Variants in RAB38 observed in about 807,000 individuals in gnomAD.
The protein encoded by RAB38 is ras-related protein Rab-38.
Under a neutral mutation model 18.4 loss-of-function variants are expected in RAB38, and 15 were observed. The observed-to-expected ratio is 0.82, with a 90% CI of 0.55 to 1.26. RAB38 has a LOEUF of 1.26. Ranked by LOEUF, RAB38 falls within the 50% of genes most tolerant of loss-of-function variation. The probability of loss-of-function intolerance (pLI) is 0.00; values close to 1 mark genes in which losing one functional copy is unlikely to be tolerated. For synonymous variants in RAB38, 101 were observed against 104.4 expected, an observed-to-expected ratio of 0.97 and a Z score of 0.20; for missense variants, 294 against 267.4, an observed-to-expected ratio of 1.10 and a Z score of -0.69.
the RAB38 span, among the ~76,000 whole-genome samples, chr11:87,956,421 C>A: frequency 6.6e-6 from 1 of 152,152 alleles, no homozygotes; most frequent in Non-Finnish European, 1.5e-5. Context: ...CTTGGGTCCT[C>A]GCCTCTTCAC....
At chr11:88,138,821 C>T (rs1942868570) in intron 2 of RAB38, among the ~76,000 whole-genome samples, 1 of 150,340 alleles carries the variant, frequency 6.7e-6, no homozygotes, top group Admixed American at 6.6e-5. Flanking sequence ...CTTGCTCTGT[C>T]GCCCAGGCTG....
At chr11:88,005,619 CTG>C in the RAB38 span, among the ~76,000 whole-genome samples, 1 of 149,308 alleles carries the variant, frequency 6.7e-6, no homozygotes, top group Admixed American at 6.7e-5. Flanking sequence ...TACCATTTGT[CTG>C]TATTTGCTTT....
chr11:87,977,622 A>G, the RAB38 span, among the ~76,000 whole-genome samples: 4 of 118,288 alleles, frequency 3.4e-5, no homozygotes, highest in South Asian at 2.5e-4. Context: ...ATAATTATGT[A>G]ATTGTATATT....
chr11:88,053,336 A>G, the RAB38 span, among the ~76,000 whole-genome samples: 4 of 108,966 alleles, frequency 3.7e-5, no homozygotes, highest in Non-Finnish European at 7.6e-5. Context: ...ACACACATAT[A>G]TATGGAATAT....
At chr11:88,052,919 T>TC in the RAB38 span, among the ~76,000 whole-genome samples, 3,520 of 27,818 alleles carry the variant, frequency 0.13, 310 homozygotes, top group South Asian at 0.28. Context: ...TATATATATA[T>TC]ATATATATAT....
chr11:87,883,187 C>T, the RAB38 span, among the ~76,000 whole-genome samples: 1 of 151,878 alleles, frequency 6.6e-6, no homozygotes, highest in African/African-American at 2.4e-5. Flanking sequence ...CTCTAGATCA[C>T]TCGATATTTC....
At chr11:87,858,312 T>C in the RAB38 span, among the ~76,000 whole-genome samples, 1 of 152,130 alleles carries the variant, frequency 6.6e-6, no homozygotes, top group Admixed American at 6.6e-5. Context: ...ACCTTTGGAC[T>C]CACGTTGTCA....
intron 1 of RAB38, chr11:88,174,028 A>G: frequency 1.0e-6 from 1 of 985,434 alleles, no homozygotes; most frequent in Non-Finnish European, 1.2e-6. Context: ...TCCAGCACTT[A>G]TAACGAAAGG....
At chr11:87,977,336 T>C in the RAB38 span, among the ~76,000 whole-genome samples, 1 of 121,304 alleles carries the variant, frequency 8.2e-6, no homozygotes, top group Admixed American at 9.3e-5. Flanking sequence ...ACAAGTATAT[T>C]ATAAAATTAT....
At chr11:87,805,403 T>C in the RAB38 span, among the ~76,000 whole-genome samples, 2 of 151,996 alleles carry the variant, frequency 1.3e-5, no homozygotes, top group Non-Finnish European at 2.9e-5. Flanking sequence ...TATGTCATTT[T>C]TTTTCCTGAT....
the RAB38 span, among the ~76,000 whole-genome samples, chr11:87,839,564 G>A: frequency 5.9e-5 from 9 of 152,282 alleles, no homozygotes; most frequent in East Asian, 1.7e-3. Flanking sequence ...TGGGTAGAGT[G>A]AGCAAAATTA....
chr11:87,882,932 A>G, the RAB38 span, among the ~76,000 whole-genome samples: 292 of 151,940 alleles, frequency 1.9e-3, 2 homozygotes, highest in African/African-American at 6.8e-3. Context: ...CCCCATTTTT[A>G]TTGCTCTAAA....
chr11:87,965,834 G>C, the RAB38 span, among the ~76,000 whole-genome samples: 2 of 152,116 alleles, frequency 1.3e-5, no homozygotes, highest in African/African-American at 4.8e-5. Flanking sequence ...AATGGAAGTG[G>C]GAATTTGTGC....
chr11:88,159,895 A>G (rs1943169961), intron 1 of RAB38, among the ~76,000 whole-genome samples: 1 of 152,062 alleles, frequency 6.6e-6, no homozygotes, highest in Non-Finnish European at 1.5e-5. Context: ...AACCTAGGAA[A>G]CGCCATTCTG....
the RAB38 span, among the ~76,000 whole-genome samples, chr11:87,968,876 G>A: frequency 0.95 from 145,115 of 152,180 alleles, 69,294 homozygotes; most frequent in South Asian, 0.98. Context: ...GTGTGGAATA[G>A]TAAGACACTG....
the RAB38 span, among the ~76,000 whole-genome samples, chr11:88,085,727 G>T: frequency 2.6e-5 from 4 of 151,918 alleles, no homozygotes; most frequent in African/African-American, 4.8e-5. Context: ...TTGTTGATGT[G>T]TTGTCCATGG....
the RAB38 span, among the ~76,000 whole-genome samples, chr11:87,850,488 G>A: frequency 1.3e-5 from 2 of 151,978 alleles, no homozygotes; most frequent in Admixed American, 6.6e-5. Context: ...GTGTGCACGC[G>A]CATGCACTCT....
the RAB38 span, among the ~76,000 whole-genome samples, chr11:87,854,480 T>A: frequency 6.6e-6 from 1 of 152,184 alleles, no homozygotes. Context: ...TGATCCACTC[T>A]TAACACATAA....
chr11:88,091,260 A>G, the RAB38 span, among the ~76,000 whole-genome samples: 1 of 151,976 alleles, frequency 6.6e-6, no homozygotes, highest in Non-Finnish European at 1.5e-5. Flanking sequence ...ACCTGGGTGA[A>G]GGTCTCTCTA....
Sources: allele counts gnomAD v4.1 joint callset (sites outside exome capture counted in the v4.1 genomes callset), GRCh38; gene constraint gnomAD v4.1.1; transcripts MANE v1.5; gene names NCBI Gene and HGNC (gene_info 2026-07-23, HGNC 2026-07-21).